The following ANKS1B variants were observed in gnomAD, a reference collection of about 807,000 sequenced individuals.
ANKS1B encodes the protein ankyrin repeat and sterile alpha motif domain containing 1B, also known as ankyrin repeat and sterile alpha motif domain-containing protein 1B.
ANKS1B carries 36 observed loss-of-function variants against 148.3 expected under a neutral mutation model. The observed-to-expected ratio is 0.24, with a 90% CI of 0.19 to 0.32. ANKS1B has a LOEUF of 0.32. Ranked by LOEUF, ANKS1B falls within the 10% of genes least tolerant of loss-of-function variation. The probability of loss-of-function intolerance (pLI) is 1.00; values close to 1 mark genes in which losing one functional copy is unlikely to be tolerated. For synonymous variants in ANKS1B, 542 were observed against 560.8 expected, an observed-to-expected ratio of 0.97 and a Z score of 0.47; for missense variants, 1,157 against 1,542.6, an observed-to-expected ratio of 0.75 and a Z score of 4.19.
intron 8 of ANKS1B, among the ~76,000 whole-genome samples, chr12:99,759,351 C>T (rs981452478): frequency 6.6e-6 from 1 of 151,904 alleles, no homozygotes; most frequent in Non-Finnish European, 1.5e-5. Flanking sequence ...GATTCTGATT[C>T]TATCATAGAG....
intron 14 of ANKS1B, among the ~76,000 whole-genome samples, chr12:99,206,543 T>C (rs2082693798): frequency 1.3e-5 from 2 of 152,220 alleles, no homozygotes; most frequent in South Asian, 2.1e-4. Context: ...AGTTTAATGA[T>C]TAATTGATAA....
At chr12:99,288,023 T>C (rs1156894879) in intron 12 of ANKS1B, among the ~76,000 whole-genome samples, 1 of 152,080 alleles carries the variant, frequency 6.6e-6, no homozygotes, top group African/African-American at 2.4e-5. Context: ...AAGAAAATTT[T>C]CCAAATCTAA....
At chr12:99,170,580 T>C (rs1453078299) in intron 14 of ANKS1B, among the ~76,000 whole-genome samples, 1 of 152,170 alleles carries the variant, frequency 6.6e-6, no homozygotes, top group Non-Finnish European at 1.5e-5. Context: ...ATACCTGTGT[T>C]GTTCATTCAG....
At chr12:99,893,068 A>C (rs1240845217) in intron 1 of ANKS1B, among the ~76,000 whole-genome samples, 1 of 152,126 alleles carries the variant, frequency 6.6e-6, no homozygotes, top group Non-Finnish European at 1.5e-5. Context: ...CTTCTGAGTC[A>C]TTAATTGGTA....
At chr12:98,853,957 G>C (rs531865923) in intron 17 of ANKS1B, among the ~76,000 whole-genome samples, 47 of 152,262 alleles carry the variant, frequency 3.1e-4, no homozygotes, top group Middle Eastern at 3.4e-3. Flanking sequence ...CCATAATCAG[G>C]CTTCATTATG....
At chr12:99,416,305 G>A (rs775287936) in intron 11 of ANKS1B, among the ~76,000 whole-genome samples, 7 of 152,170 alleles carry the variant, frequency 4.6e-5, no homozygotes, top group Non-Finnish European at 1.0e-4. Context: ...GAATAATGCT[G>A]CTATAAATAT....
intron 17 of ANKS1B, among the ~76,000 whole-genome samples, chr12:98,917,926 CATA>C (rs2099796578): frequency 6.6e-6 from 1 of 152,174 alleles, no homozygotes; most frequent in Non-Finnish European, 1.5e-5. Flanking sequence ...TGCCAGGTAC[CATA>C]ATAAGTGTTG....
chr12:99,084,151 G>A (rs570686138), intron 16 of ANKS1B, among the ~76,000 whole-genome samples: 176 of 152,288 alleles, frequency 1.2e-3, no homozygotes, highest in African/African-American at 4.0e-3. Flanking sequence ...GGACTTCCCT[G>A]AGTAATGACT....
chr12:99,699,151 C>G (rs1436116245), intron 8 of ANKS1B, among the ~76,000 whole-genome samples: 2 of 152,064 alleles, frequency 1.3e-5, no homozygotes. Context: ...CATTTCATTG[C>G]CCCCCTGCCA....
In ANKS1B at chr12:99,174,642, G is replaced by A. The variant is rs1045487562; in HGVS notation, c.2420-20247C>T. On this transcript the variant is annotated intron_variant, in intron 14 of 26. Transcript: ENST00000683438. ...CTTGAACCATTTGGAGTCTGAAAAG[G>A]AAGCCAACATAGAGCATAATAGAGT... Among the ~76,000 whole-genome samples, 6 of 152,210 alleles carry A rather than the reference G, an allele frequency of 3.9e-5. No individual in the cohort carries two copies. The East Asian group carries it at 1.2e-3, about 29-fold the overall frequency.
At chr12:98,911,264 G>A (rs1229093589) in intron 17 of ANKS1B, among the ~76,000 whole-genome samples, 1 of 152,152 alleles carries the variant, frequency 6.6e-6, no homozygotes, top group African/African-American at 2.4e-5. Flanking sequence ...CATTGCATTT[G>A]TAGAATCATA....
At chr12:99,547,756 G>A (rs2097184189) in intron 9 of ANKS1B, among the ~76,000 whole-genome samples, 1 of 152,032 alleles carries the variant, frequency 6.6e-6, no homozygotes, top group Admixed American at 6.6e-5. Flanking sequence ...CCATGTCTTG[G>A]GAATACATTG....
intron 1 of ANKS1B, among the ~76,000 whole-genome samples, chr12:99,858,101 C>A (rs1343116611): frequency 1.1e-4 from 17 of 152,128 alleles, no homozygotes; most frequent in African/African-American, 3.9e-4. Context: ...AAGTGACAAC[C>A]CACAGAGTGG....
chr12:99,322,895 C>T (rs1197508409), intron 12 of ANKS1B, among the ~76,000 whole-genome samples: 7 of 152,144 alleles, frequency 4.6e-5, no homozygotes. Flanking sequence ...TAAGGGGTTT[C>T]CCTTTTTGCT....
At chr12:98,735,589 G>T (rs553290965) in exon 10 of ANKS1B, 12 of 774,468 alleles carry the variant, frequency 1.5e-5, no homozygotes, top group Admixed American at 1.4e-4. Context: ...TCCTCAGTGT[G>T]TCTCTCTGAT....
intron 8 of ANKS1B, among the ~76,000 whole-genome samples, chr12:99,739,691 T>G (rs565579307): frequency 6.6e-6 from 1 of 152,160 alleles, no homozygotes; most frequent in Non-Finnish European, 1.5e-5. Context: ...GCCTCACTCA[T>G]GCCAATCACT....
At chr12:99,136,261 G>A (rs1002649172) in intron 15 of ANKS1B, among the ~76,000 whole-genome samples, 1 of 152,130 alleles carries the variant, frequency 6.6e-6, no homozygotes, top group African/African-American at 2.4e-5. Flanking sequence ...CCCACGAGTT[G>A]GCATAGAAGC....
chr12:99,268,665 T>C (rs2153986822), intron 12 of ANKS1B, among the ~76,000 whole-genome samples: 1 of 152,314 alleles, frequency 6.6e-6, no homozygotes, highest in Non-Finnish European at 1.5e-5. Context: ...GGTAGTGATA[T>C]AAAGAAATGT....
chr12:99,786,296 G>A (rs747610234), intron 4 of ANKS1B, among the ~76,000 whole-genome samples: 2 of 152,160 alleles, frequency 1.3e-5, no homozygotes, highest in African/African-American at 2.4e-5. Flanking sequence ...ATGAACCCCA[G>A]GGGGTTAGCT....
Sources: gnomAD v4.1 joint callset for allele counts (sites outside exome capture counted in the v4.1 genomes callset) on GRCh38, gnomAD v4.1.1 for gene constraint, MANE v1.5 for transcripts, NCBI Gene and HGNC (gene_info 2026-07-23, HGNC 2026-07-21) for gene names.